The following DLEC1 variants were observed in gnomAD, a reference collection of about 807,000 sequenced individuals.
DLEC1 encodes DLEC1 cilia and flagella associated protein.
DLEC1 carries 146 observed loss-of-function variants against 198.1 expected under a neutral mutation model. The observed-to-expected ratio is 0.74, with a 90% CI of 0.64 to 0.85. DLEC1 has a LOEUF of 0.85. Ranked by LOEUF, DLEC1 falls within the 40% of genes least tolerant of loss-of-function variation. DLEC1 has a pLI of 0.00. For missense variants in DLEC1, 2,233 were observed against 2,220.0 expected, an observed-to-expected ratio of 1.01 and a Z score of -0.12; for synonymous variants, 897 against 866.8, an observed-to-expected ratio of 1.03 and a Z score of -0.61.
chr3:38,054,685 G>A (rs548876131), intron 2 of DLEC1, among the ~76,000 whole-genome samples: 2 of 152,330 alleles, frequency 1.3e-5, no homozygotes, highest in South Asian at 4.1e-4. Context: ...CTGAGAAGTG[G>A]CCCAGGTTAA....
rs747896145 is a variant in DLEC1, at chr3:38,117,895, C to T, written c.4575C>T (p.Pro1525=). Reference sequence around the variant, plus strand: ...ACTTCCGGCTTATGGTCTCCAGGCCCTTCTCCGTTTCTCAAGATGGGGCGA... The same window carrying T: ...ACTTCCGGCTTATGGTCTCCAGGCCTTTCTCCGTTTCTCAAGATGGGGCGA... ...PHYFRLMVSR[P]FSVSQDGASQ... Residue 1525 remains proline, a synonymous_variant, in exon 33 of 37, where the codon CCC becomes CCT. Coordinates refer to ENST00000308059, the MANE Select transcript of DLEC1 (RefSeq NM_007335.4). The T allele has an allele frequency of 4.3e-6, 7 of 1,614,056 alleles. No individual in the cohort carries two copies. The highest frequency in any genetic ancestry group is 5.9e-6 in the Non-Finnish European group (7 of 1,180,028).
intron 2 of DLEC1, among the ~76,000 whole-genome samples, chr3:38,050,555 G>A (rs553443820): frequency 2.0e-5 from 3 of 151,974 alleles, no homozygotes; most frequent in Admixed American, 2.0e-4. Context: ...GGGGGTTTTG[G>A]GGGGGCCAGG....
chr3:38,121,690 C>A lies in DLEC1; in HGVS notation c.4929C>A (p.Asp1643Glu). Residue 1643 changes from aspartate to glutamate, a missense_variant, in exon 35 of 37, where the codon GAC becomes GAA. By Grantham distance (45) the Asp-to-Glu change is conservative. Coordinates refer to ENST00000308059, the MANE Select transcript of DLEC1 (RefSeq NM_007335.4). ...TGCAGCTCTCCACCAGCTGGGTGGA[C>A]TTTGGGACCTGCTTTGTGAGCCAGC... ...PELQLSTSWV[D>E]FGTCFVSQQR... 4 of 1,614,080 alleles carry A rather than the reference C, an allele frequency of 2.5e-6. No homozygotes were observed. The highest frequency in any genetic ancestry group is 3.4e-6 in the Non-Finnish European group (4 of 1,179,992).
rs541704925 is a variant in DLEC1 at position 38,104,358 on chromosome 3, G to A, written c.2865-3226G>A. ...TGTAATCCCAGCTACTCGGGAGGCT[G>A]AGGCATGAGAATAGCTTGAACGTGG... On this transcript the variant is annotated intron_variant, in intron 19 of 36. Transcript: ENST00000308059. 4.6e-5 allele frequency among the ~76,000 whole-genome samples: 7 copies of A among 152,304 alleles called. No homozygotes were observed. The East Asian group carries it at 1.2e-3, about 25-fold the overall frequency.
intron 19 of DLEC1, among the ~76,000 whole-genome samples, chr3:38,105,203 T>C (rs1291277319): frequency 6.6e-6 from 1 of 152,214 alleles, no homozygotes; most frequent in Non-Finnish European, 1.5e-5. Flanking sequence ...ACTTGTTTTA[T>C]GGGCTATTCT....
chr3:38,112,103 G>T lies in DLEC1; in HGVS notation c.3515-107G>T. ...GCACATGTAGCCTGACCAAGGAGAG[G>T]CTGGAGGGTGGCTTATCGGGGACAG... On this transcript the variant is annotated intron_variant, in intron 24 of 36. Transcript: ENST00000308059. This position sits in a 1 kb window ranked among gnomAD's most constrained non-coding sequence, Gnocchi z 4.8. 6.5e-7 allele frequency: 1 copy of T among 1,535,764 alleles called. No homozygotes were observed.
chr3:38,059,965 T>C (rs1318318632), intron 3 of DLEC1, 113 bp downstream of exon 3: 1 of 878,564 alleles, frequency 1.1e-6, no homozygotes, highest in African/African-American at 1.7e-5. Flanking sequence ...TCACCTTTTC[T>C]TTAATTTCGA....
chr3:38,057,491 C>CAAA (rs112173978), intron 2 of DLEC1, among the ~76,000 whole-genome samples: 1 of 139,238 alleles, frequency 7.2e-6, no homozygotes. Context: ...GACTGTGTCT[C>CAAA]AAAAAAAAAA....
chr3:38,084,244 G>C lies in DLEC1; in HGVS notation c.1260G>C (p.Leu420=). 6.2e-7 allele frequency: 1 copy of C among 1,611,566 alleles called. No homozygotes were observed. Residue 420 remains leucine, a splice_region_variant and synonymous_variant, in exon 7 of 37, where the codon CTG becomes CTC. Transcript: ENST00000308059. ...CCACGCCATACTTCGCTCTGGGACT[G>C]GGTAAGTTCAGTATTTGTAAGTTCA... ...PPSTPYFALG[L]GMFPGKGGMV...
At chr3:38,046,471 C>T (rs533730996) in intron 2 of DLEC1, among the ~76,000 whole-genome samples, 1 of 152,270 alleles carries the variant, frequency 6.6e-6, no homozygotes, top group South Asian at 2.1e-4. Context: ...CTTGCCTTCG[C>T]TCATGTAAGA....
At position 38,092,642 on chromosome 3, in the gene DLEC1, C is replaced by A. The variant is rs1698798827; in HGVS notation, c.1666-148C>A. ...GGTGGAGCTAGGGTAAAACACTTGG[C>A]CTTAGGAGTAAGGTGGGAGGTGGCA... On this transcript the variant is annotated intron_variant, in intron 10 of 36. Coordinates refer to ENST00000308059, the MANE Select transcript of DLEC1 (RefSeq NM_007335.4). The A allele has an allele frequency of 1.1e-5, 8 of 725,078 alleles. No individual in the cohort carries two copies. The East Asian group carries it at 1.5e-4, about 14-fold the overall frequency. 44.9% of individuals were successfully genotyped at this position (725,078 alleles called of 1,614,324 possible). A position where few individuals can be genotyped will look rare whatever the true frequency, so the allele number is the denominator to read the frequency against.
intron 4 of DLEC1, 105 bp downstream of exon 4, chr3:38,062,473 T>G (rs1239982446): frequency 6.3e-7 from 1 of 1,577,352 alleles, no homozygotes; most frequent in African/African-American, 1.4e-5. Flanking sequence ...CATCGCAAAA[T>G]AGAGTAGAGC....
intron 18 of DLEC1, among the ~76,000 whole-genome samples, chr3:38,099,484 ATGT>A (rs1202453071): frequency 2.0e-5 from 3 of 152,140 alleles, no homozygotes; most frequent in Non-Finnish European, 2.9e-5. Context: ...CTCAAAAATA[ATGT>A]TGGGATTTGG....
At chr3:38,115,078 G>A (rs374921217) in intron 27 of DLEC1, 25 bp downstream of exon 27, 1 of 1,613,344 alleles carries the variant, frequency 6.2e-7, no homozygotes, top group African/African-American at 1.3e-5. Context: ...AGAGAAGTCA[G>A]TGTTCTTGCC....
At chr3:38,095,333 A>C in intron 13 of DLEC1, 1 of 500,296 alleles carries the variant, frequency 2.0e-6, no homozygotes, top group Middle Eastern at 5.5e-4. Context: ...TGTCTCCCAC[A>C]TGTCTACTAT....
At chr3:38,084,577 TGGGGG>T (rs752002906) in intron 7 of DLEC1, among the ~76,000 whole-genome samples, 6 of 498 alleles carry the variant, frequency 0.012, no homozygotes, top group South Asian at 0.071. Flanking sequence ...GTAGTAGTAG[TGGGGG>T]GGTGGTAGTA....
chr3:38,067,409 G>T (rs1007694356), intron 6 of DLEC1, among the ~76,000 whole-genome samples: 17 of 152,240 alleles, frequency 1.1e-4, no homozygotes, highest in Non-Finnish European at 1.5e-5. Flanking sequence ...ACTCTTAAGA[G>T]ATTTTGCAGT....
chr3:38,072,309 A>C (rs1697363665), intron 6 of DLEC1, among the ~76,000 whole-genome samples: 1 of 152,196 alleles, frequency 6.6e-6, no homozygotes, highest in Non-Finnish European at 1.5e-5. Flanking sequence ...AGAGCTGTAG[A>C]GAGTGAGTTG....
chr3:38,084,509 A>G (rs948724198), intron 7 of DLEC1, among the ~76,000 whole-genome samples: 28 of 82,752 alleles, frequency 3.4e-4, no homozygotes, highest in Admixed American at 1.1e-3. Context: ...TAGTGGTAGT[A>G]GTAGTAGTGG....
Sources: gnomAD v4.1 joint callset for allele counts (sites outside exome capture counted in the v4.1 genomes callset) on GRCh38, gnomAD v4.1.1 for gene constraint, Gnocchi (gnomAD v3.1) non-coding constraint, MANE v1.5 for transcripts, NCBI Gene and HGNC (gene_info 2026-07-23, HGNC 2026-07-21) for gene names.